Variants in SNX19 observed in about 807,000 individuals in gnomAD.
SNX19 encodes sorting nexin 19.
In SNX19, 60 loss-of-function variants were observed where a neutral mutation model predicts 85.2. The ratio of observed to expected loss-of-function variants is 0.70; its 90% CI spans 0.57 to 0.87. The LOEUF (loss-of-function observed/expected upper bound fraction) is 0.87. SNX19 is among the 40% of genes least tolerant of loss of function. SNX19 has a pLI of 0.00. For synonymous variants in SNX19, 520 were observed against 470.0 expected, an observed-to-expected ratio of 1.11 and a Z score of -1.38; for missense variants, 1,201 against 1,217.8, an observed-to-expected ratio of 0.99 and a Z score of 0.21.
chr11:130,910,207 G>C, intron 3 of SNX19, 63 bp downstream of exon 3: 1 of 1,613,140 alleles, frequency 6.2e-7, no homozygotes, highest in East Asian at 2.2e-5. Flanking sequence ...CCTTGGCTTG[G>C]GTGTTCTGGG....
rs1369630337 is a variant in SNX19 at position 130,878,433 on chromosome 11, C to G, written c.2968G>C (p.Val990Leu). 1 of 1,613,588 alleles carries G rather than the reference C, an allele frequency of 6.2e-7. No individual in the cohort carries two copies. Among genetic ancestry groups the G allele is most frequent in the African/African-American group, 1.3e-5 (1 of 74,880 alleles). Residue 990 changes from valine (V) to leucine (L), a missense_variant, in exon 11 of 11, where the codon GTC becomes CTC. Coordinates refer to ENST00000265909, the MANE Select transcript of SNX19 (RefSeq NM_014758.3). ...GCGTGAATAACCAGCTAAGAGGAGA[C>G]ACCCATCCTCTTAGAGTTGCCTGGG... is the stretch of plus-strand genomic sequence containing the variant. ...DTPGNSKRMG[V>L]SS is the part of the protein sequence containing the mutation.
intron 8 of SNX19, among the ~76,000 whole-genome samples, chr11:130,883,442 G>A (rs1349868704): frequency 6.6e-6 from 1 of 152,116 alleles, no homozygotes; most frequent in African/African-American, 2.4e-5. Context: ...AGGAATATAA[G>A]AAACAGGACT....
chr11:130,902,455 A>G (rs1023414796), intron 8 of SNX19, among the ~76,000 whole-genome samples: 1 of 152,212 alleles, frequency 6.6e-6, no homozygotes, highest in African/African-American at 2.4e-5. Context: ...GTGACCTGTT[A>G]GCATGAGCCT....
chr11:130,899,626 A>C (rs1488075126), intron 8 of SNX19, among the ~76,000 whole-genome samples: 1 of 152,246 alleles, frequency 6.6e-6, no homozygotes, highest in Non-Finnish European at 1.5e-5. Context: ...ATACAAAACC[A>C]AATGGGCTAA....
At chr11:130,897,276 G>A (rs985593536) in intron 8 of SNX19, among the ~76,000 whole-genome samples, 17 of 151,440 alleles carry the variant, frequency 1.1e-4, no homozygotes, top group African/African-American at 3.4e-4. Flanking sequence ...CACACTTCAC[G>A]CTCCCCTCTG....
Position 130,914,930 on chromosome 11 carries a change from T to TCTA in SNX19, c.1007_1009dup (p.Val336dup). 1 of 1,614,218 alleles carries TCTA rather than the reference T, an allele frequency of 6.2e-7. No homozygotes were observed. ...TTCACACATCCCACCCAAATCTCCC[T>TCTA]CTACAGCTTCGTGGCCTTCTTCAAC... is the stretch of plus-strand genomic sequence containing the variant. On this transcript the variant is annotated inframe_insertion, in exon 1 of 11. Coordinates refer to ENST00000265909, the MANE Select transcript of SNX19 (RefSeq NM_014758.3).
At chr11:130,882,684 A>G (rs1446005986) in intron 8 of SNX19, among the ~76,000 whole-genome samples, 3 of 152,240 alleles carry the variant, frequency 2.0e-5, no homozygotes, top group South Asian at 2.1e-4. Context: ...TCCAGTAGCA[A>G]GAATTCCTGT....
Position 130,888,136 on chromosome 11 carries a change from T to C in SNX19, c.2574-7330A>G, listed in dbSNP as rs201092419. Among the ~76,000 whole-genome samples the C allele has an allele frequency of 1.4e-4, 21 of 152,216 alleles. No individual in the cohort carries two copies. In the East Asian group the frequency reaches 3.3e-3, roughly 24 times the overall value. On this transcript the variant is annotated intron_variant, in intron 8 of 10. Coordinates refer to ENST00000265909, the MANE Select transcript of SNX19 (RefSeq NM_014758.3). ...AAATCGTGTGCCCCTCTGTTAAGTA[T>C]AGTCTTGCCCTTCTGTATTTGTGCA...
chr11:130,872,077 C>T lies in SNX19; in HGVS notation c.*6345G>A, dbSNP rs192034477. On this transcript the variant is annotated 3_prime_UTR_variant, in exon 11 of 11. Coordinates refer to ENST00000265909, the MANE Select transcript of SNX19 (RefSeq NM_014758.3). ...AGAGATGGTGTGCTGGGGGCTTTCA[C>T]GGAAGCGCTTGCAGGTAAGGCTTGG... is the stretch of plus-strand genomic sequence containing the variant. Among the ~76,000 whole-genome samples, 23 of 152,168 alleles carry T rather than the reference C, an allele frequency of 1.5e-4. No homozygotes were observed. The East Asian group carries it at 4.1e-3, about 27-fold the overall frequency.
intron 1 of SNX19, among the ~76,000 whole-genome samples, chr11:130,912,471 A>G (rs1455050818): frequency 6.6e-6 from 1 of 152,226 alleles, no homozygotes; most frequent in Non-Finnish European, 1.5e-5. Context: ...GATGGCATGG[A>G]ATCTGCAACT....
chr11:130,897,051 G>A (rs934094146), intron 8 of SNX19, among the ~76,000 whole-genome samples: 2 of 152,068 alleles, frequency 1.3e-5, no homozygotes, highest in Non-Finnish European at 2.9e-5. Context: ...TTGCAGCACA[G>A]CACTCTCCAG....
chr11:130,887,195 T>C (rs192692279), intron 8 of SNX19, among the ~76,000 whole-genome samples: 1 of 152,360 alleles, frequency 6.6e-6, no homozygotes, highest in Admixed American at 6.5e-5. Flanking sequence ...AAACAGTTTT[T>C]GTTTTTGATT....
In SNX19 at chr11:130,890,194, C is replaced by T. The variant is rs976747225; in HGVS notation, c.2574-9388G>A. On this transcript the variant is annotated intron_variant, in intron 8 of 10. Coordinates refer to ENST00000265909, the MANE Select transcript of SNX19 (RefSeq NM_014758.3). ...CATTCTTGATTTGTCTTTTTCTCAACCCTAATCCAACACCACATAATCATT... is the reference window on the plus strand; with the variant it reads ...CATTCTTGATTTGTCTTTTTCTCAATCCTAATCCAACACCACATAATCATT... 3.3e-5 allele frequency among the ~76,000 whole-genome samples: 5 copies of T among 152,126 alleles called. No homozygotes were observed. The East Asian group carries it at 7.7e-4, about 23-fold the overall frequency.
At chr11:130,879,578 GGT>G in intron 10 of SNX19, 44 bp downstream of exon 10, 2 of 1,533,372 alleles carry the variant, frequency 1.3e-6, no homozygotes, top group Non-Finnish European at 1.8e-6. Flanking sequence ...TGAGACCAGA[GGT>G]GGCTGTAACT....
At chr11:130,912,309 T>G (rs760759927) in intron 1 of SNX19, among the ~76,000 whole-genome samples, 2 of 152,232 alleles carry the variant, frequency 1.3e-5, no homozygotes, top group Non-Finnish European at 1.5e-5. Context: ...TAAACTGAAT[T>G]TTTCCTAAGT....
chr11:130,915,808 AAG>A lies in SNX19; in HGVS notation c.130_131del (p.Leu44SerfsTer49), dbSNP rs1565561136. 43 of 1,614,200 alleles carry A rather than the reference AAG, an allele frequency of 2.7e-5. No homozygotes were observed. Among genetic ancestry groups the A allele is most frequent in the Non-Finnish European group, 3.5e-5 (41 of 1,180,046 alleles). Reference protein sequence around the residue: ...VLLGWLLVIHLLVNVWLLCLL... With the variant: ...VLLGWLLVIHXLVNVWLLCLL... ...GGCACAGCAGCCACACGTTGACCAG[AAG>A]GTGTATGACCAGGAGCCAGCCAAGC... On this transcript the variant is annotated frameshift_variant, in exon 1 of 11. Coordinates refer to ENST00000265909, the MANE Select transcript of SNX19 (RefSeq NM_014758.3). LOFTEE classifies it high-confidence loss of function.
At chr11:130,893,334 G>C (rs1944631975) in intron 8 of SNX19, among the ~76,000 whole-genome samples, 1 of 152,190 alleles carries the variant, frequency 6.6e-6, no homozygotes, top group Admixed American at 6.5e-5. Flanking sequence ...GCAGACATGG[G>C]AGGACTTCAA....
At chr11:130,906,506 CGTTG>C in intron 6 of SNX19, 115 bp downstream of exon 6, 5 of 757,346 alleles carry the variant, frequency 6.6e-6, no homozygotes, top group Non-Finnish European at 1.1e-5. Flanking sequence ...GAGATCCAAA[CGTTG>C]ATTAAGTCAT....
chr11:130,873,005 A>G lies in SNX19; in HGVS notation c.*5417T>C, dbSNP rs1943087872. On this transcript the variant is annotated 3_prime_UTR_variant, in exon 11 of 11. Transcript: ENST00000265909. ...TCCAAATGCTCCCTGCCCCTCAAACAGCAGAGGAGTGTGATAATCATGCTG... is the reference window on the plus strand; with the variant it reads ...TCCAAATGCTCCCTGCCCCTCAAACGGCAGAGGAGTGTGATAATCATGCTG... Among the ~76,000 whole-genome samples the G allele has an allele frequency of 1.3e-5, 2 of 152,212 alleles. No individual in the cohort carries two copies. The highest frequency in any genetic ancestry group is 1.5e-5 in the Non-Finnish European group (1 of 68,038).
Sources: gnomAD v4.1 joint callset for allele counts (sites outside exome capture counted in the v4.1 genomes callset) on GRCh38, gnomAD v4.1.1 for gene constraint, MANE v1.5 for transcripts, NCBI Gene and HGNC (gene_info 2026-07-23, HGNC 2026-07-21) for gene names.